NBEA: variants seen among roughly 807,000 people sequenced by gnomAD.
NBEA encodes the protein lysosomal-trafficking regulator 2.
NBEA carries 44 observed loss-of-function variants against 343.4 expected under a neutral mutation model. The ratio of observed to expected loss-of-function variants is 0.13; its 90% CI spans 0.10 to 0.16. The LOEUF (loss-of-function observed/expected upper bound fraction) is 0.16, where lower values mean the gene tolerates loss of function less well. Ranked by LOEUF, NBEA falls within the 10% of genes least tolerant of loss-of-function variation. The probability of loss-of-function intolerance (pLI) is 1.00; values close to 1 mark genes in which losing one functional copy is unlikely to be tolerated. For missense variants in NBEA, 2,555 were observed against 3,631.3 expected (o/e 0.70, Z 7.62); for synonymous variants, 1,175 against 1,238.7 (o/e 0.95, Z 1.08).
chr13:35,165,359 G>T lies in NBEA; in HGVS notation c.4233+850G>T, dbSNP rs138617817. ...CTATATCCTCACACACTTTCCCCAG[G>T]CCTTACTCTTCTGTTTTATTCATGA... On this transcript the variant is annotated intron_variant, in intron 24 of 58. Coordinates refer to ENST00000379939, the MANE Select transcript of NBEA (RefSeq NM_001385012.1). Among the ~76,000 whole-genome samples the T allele has an allele frequency of 5.0e-3, 767 of 152,212 alleles. 3 individuals carry two copies. Among genetic ancestry groups the T allele is most frequent in the Non-Finnish European group, 9.4e-3 (640 of 68,012 alleles).
chr13:35,537,787 C>G (rs1261561036), intron 41 of NBEA, among the ~76,000 whole-genome samples: 2 of 152,136 alleles, frequency 1.3e-5, no homozygotes, highest in Non-Finnish European at 2.9e-5. Flanking sequence ...TGAACAAAGG[C>G]CAGTGTGGCT....
intron 36 of NBEA, among the ~76,000 whole-genome samples, chr13:35,335,532 A>C (rs908440879): frequency 6.6e-6 from 1 of 152,110 alleles, no homozygotes; most frequent in Admixed American, 6.6e-5. Context: ...TCGATGTATT[A>C]TAAATTTCCT....
intron 10 of NBEA, among the ~76,000 whole-genome samples, chr13:35,090,723 C>T (rs2065038724): frequency 6.6e-6 from 1 of 151,698 alleles, no homozygotes; most frequent in African/African-American, 2.4e-5. Flanking sequence ...AGTAAGAATA[C>T]AAAAAAATCA....
intron 41 of NBEA, among the ~76,000 whole-genome samples, chr13:35,550,109 G>A (rs999982905): frequency 2.0e-5 from 3 of 152,094 alleles, no homozygotes; most frequent in African/African-American, 7.2e-5. Context: ...ACACTTTGGG[G>A]GTAGCTGGGC....
intron 10 of NBEA, among the ~76,000 whole-genome samples, chr13:35,091,222 G>A (rs2065065619): frequency 6.6e-6 from 1 of 151,960 alleles, no homozygotes; most frequent in Non-Finnish European, 1.5e-5. Flanking sequence ...CTTTCTGCCA[G>A]TGGCCCTGGA....
rs2038587772 is a variant in NBEA, at chr13:35,326,749, C to A, written c.5903+17157C>A. Among the ~76,000 whole-genome samples the A allele has an allele frequency of 2.0e-5, 3 of 151,764 alleles. No individual in the cohort carries two copies. In the South Asian group the frequency reaches 6.2e-4, roughly 32 times the overall value. ...GTGGAATTATTCCCATTCAGTAAGT[C>A]CTCAAAAGCAATTACAACAAAAACA... On this transcript the variant is annotated intron_variant, in intron 36 of 58. Transcript: ENST00000379939.
chr13:35,003,932 C>T (rs2061230312), intron 1 of NBEA, among the ~76,000 whole-genome samples: 1 of 152,122 alleles, frequency 6.6e-6, no homozygotes, highest in African/African-American at 2.4e-5. Context: ...GATGCTCTCC[C>T]TCCTCCCACC....
At chr13:35,055,974 C>CTAAA in intron 6 of NBEA, 36 bp from the exon 7 acceptor site, 1 of 1,505,746 alleles carries the variant, frequency 6.6e-7, no homozygotes. Context: ...AACAACCAAA[C>CTAAA]ATTACATATT....
At chr13:35,413,420 G>A (rs1006163385) in intron 38 of NBEA, among the ~76,000 whole-genome samples, 1 of 152,048 alleles carries the variant, frequency 6.6e-6, no homozygotes, top group South Asian at 2.1e-4. Flanking sequence ...CCATTGGATA[G>A]TTTTTGTTAC....
At position 35,427,869 on chromosome 13, in the gene NBEA, A is replaced by C. The variant is rs150034639; in HGVS notation, c.6180-4400A>C. On this transcript the variant is annotated intron_variant, in intron 38 of 58. Transcript: ENST00000379939. ...TTCCCCAGTCTCACTGCCACCTTGCAATTTGATCTCAGACTGCTGTGCTAG... is the reference window on the plus strand; with the variant it reads ...TTCCCCAGTCTCACTGCCACCTTGCCATTTGATCTCAGACTGCTGTGCTAG... Among the ~76,000 whole-genome samples, 936 of 152,266 alleles carry C rather than the reference A, an allele frequency of 6.1e-3. 6 individuals carry two copies. The highest frequency in any genetic ancestry group is 0.041 in the Middle Eastern group (12 of 294).
chr13:35,126,570 T>C (rs1305444710), intron 17 of NBEA, among the ~76,000 whole-genome samples: 1 of 151,706 alleles, frequency 6.6e-6, no homozygotes, highest in East Asian at 1.9e-4. Context: ...GATGAAAATA[T>C]GAGTTTAGGA....
At chr13:35,074,737 T>C (rs923821445) in intron 10 of NBEA, among the ~76,000 whole-genome samples, 1 of 152,180 alleles carries the variant, frequency 6.6e-6, no homozygotes, top group African/African-American at 2.4e-5. Context: ...TGTTATGGGA[T>C]ACATATAAAT....
intron 11 of NBEA, among the ~76,000 whole-genome samples, chr13:35,104,209 A>AT (rs1400916498): frequency 6.6e-6 from 1 of 151,924 alleles, no homozygotes; most frequent in African/African-American, 2.4e-5. Context: ...TGCTTCATTC[A>AT]GGATTTTGCT....
At chr13:35,288,755 T>A (rs1157104749) in intron 34 of NBEA, among the ~76,000 whole-genome samples, 2 of 152,010 alleles carry the variant, frequency 1.3e-5, no homozygotes, top group African/African-American at 4.8e-5. Flanking sequence ...TAATTCTTTA[T>A]ATCAAAGCCT....
intron 10 of NBEA, among the ~76,000 whole-genome samples, chr13:35,071,680 A>C (rs988960180): frequency 6.6e-6 from 1 of 151,972 alleles, no homozygotes; most frequent in East Asian, 1.9e-4. Context: ...TGAGCTCCTT[A>C]ATGGGTTATC....
intron 2 of NBEA, among the ~76,000 whole-genome samples, chr13:35,043,737 A>C (rs2062742079): frequency 6.6e-6 from 1 of 151,982 alleles, no homozygotes; most frequent in Non-Finnish European, 1.5e-5. Flanking sequence ...AGATAAGCAT[A>C]CTAAGTTTCC....
intron 41 of NBEA, among the ~76,000 whole-genome samples, chr13:35,490,096 T>C (rs1401896734): frequency 6.6e-6 from 1 of 151,810 alleles, no homozygotes; most frequent in East Asian, 1.9e-4. Context: ...GTTGTGCGGG[T>C]TCAGATCTGG....
intron 36 of NBEA, among the ~76,000 whole-genome samples, chr13:35,330,505 T>C (rs2152847769): frequency 6.6e-6 from 1 of 152,074 alleles, no homozygotes; most frequent in South Asian, 2.1e-4. Context: ...CCAGTGTTAA[T>C]TCACTCTCAT....
intron 34 of NBEA, among the ~76,000 whole-genome samples, chr13:35,249,428 C>A (rs555275038): frequency 6.6e-6 from 1 of 151,990 alleles, no homozygotes; most frequent in Non-Finnish European, 1.5e-5. Flanking sequence ...AATAAAACTA[C>A]AAATAACCCA....
Sources: gnomAD v4.1 joint callset for allele counts (sites outside exome capture counted in the v4.1 genomes callset) on GRCh38, gnomAD v4.1.1 for gene constraint, MANE v1.5 for transcripts, NCBI Gene and HGNC (gene_info 2026-07-23, HGNC 2026-07-21) for gene names.